Variants in ANKS1B observed in about 807,000 individuals in gnomAD.
The protein encoded by ANKS1B is ankyrin repeat and sterile alpha motif domain-containing protein 1B.
Under a neutral mutation model 148.3 loss-of-function variants are expected in ANKS1B, and 36 were observed. The observed-to-expected ratio is 0.24, with a 90% CI of 0.19 to 0.32. The LOEUF (loss-of-function observed/expected upper bound fraction) is 0.32, where lower values mean the gene tolerates loss of function less well. Ranked by LOEUF, ANKS1B falls within the 10% of genes least tolerant of loss-of-function variation. The probability of loss-of-function intolerance (pLI) is 1.00; values close to 1 mark genes in which losing one functional copy is unlikely to be tolerated. For synonymous variants in ANKS1B, 542 were observed against 560.8 expected (o/e 0.97, Z 0.47); for missense variants, 1,157 against 1,542.6 (o/e 0.75, Z 4.19).
At chr12:99,091,119 CA>C (rs1330140025) in intron 15 of ANKS1B, among the ~76,000 whole-genome samples, 1 of 152,064 alleles carries the variant, frequency 6.6e-6, no homozygotes, top group African/African-American at 2.4e-5. Context: ...ACTATTGATT[CA>C]AAAAATATTA....
chr12:99,364,287 T>C (rs2092650915), intron 12 of ANKS1B, among the ~76,000 whole-genome samples: 1 of 152,166 alleles, frequency 6.6e-6, no homozygotes, highest in Non-Finnish European at 1.5e-5. Flanking sequence ...ATTTGTTTAT[T>C]GTACATGTTT....
At chr12:99,030,913 C>T (rs952662746) in intron 17 of ANKS1B, among the ~76,000 whole-genome samples, 1 of 152,196 alleles carries the variant, frequency 6.6e-6, no homozygotes, top group Admixed American at 6.5e-5. Context: ...TAACTTCTGA[C>T]TTCTCTCTTT....
At chr12:99,614,335 T>C (rs1247116807) in intron 9 of ANKS1B, among the ~76,000 whole-genome samples, 1 of 151,872 alleles carries the variant, frequency 6.6e-6, no homozygotes, top group Non-Finnish European at 1.5e-5. Flanking sequence ...CTTAGGAGAC[T>C]GAGACATGAG....
At chr12:99,794,414 G>T (rs1157611211) in intron 4 of ANKS1B, among the ~76,000 whole-genome samples, 1 of 148,454 alleles carries the variant, frequency 6.7e-6, no homozygotes, top group Middle Eastern at 3.5e-3. Flanking sequence ...AGATTTGGAA[G>T]CAACCTAAGT....
chr12:99,676,337 A>G (rs1019473935), intron 8 of ANKS1B, among the ~76,000 whole-genome samples: 8 of 152,180 alleles, frequency 5.3e-5, no homozygotes, highest in African/African-American at 1.9e-4. Context: ...AATATATTAA[A>G]ACACATCTCT....
At chr12:98,874,731 TA>T (rs2099683454) in intron 17 of ANKS1B, among the ~76,000 whole-genome samples, 1 of 152,138 alleles carries the variant, frequency 6.6e-6, no homozygotes, top group African/African-American at 2.4e-5. Context: ...TTTAGAAAAG[TA>T]AATATATTTG....
chr12:99,568,173 T>C (rs2097417465), intron 9 of ANKS1B, among the ~76,000 whole-genome samples: 1 of 152,194 alleles, frequency 6.6e-6, no homozygotes. Flanking sequence ...CAGGGATGCA[T>C]TCCTTCTAGG....
intron 1 of ANKS1B, among the ~76,000 whole-genome samples, chr12:99,902,512 T>C (rs981692374): frequency 6.6e-6 from 1 of 152,116 alleles, no homozygotes; most frequent in Non-Finnish European, 1.5e-5. Context: ...TAAAATGTTA[T>C]TCCAGCTACT....
Position 98,769,835 on chromosome 12 carries a change from T to C in ANKS1B, c.3579+3207A>G, listed in dbSNP as rs150155002. Among the ~76,000 whole-genome samples, 896 of 152,374 alleles carry C rather than the reference T, an allele frequency of 5.9e-3. 6 individuals are homozygous for C. Among genetic ancestry groups the C allele is most frequent in the African/African-American group, 0.021 (856 of 41,600 alleles). Reference sequence around the variant, plus strand: ...AAAAGGTGGCGTTCATCCTGAAAAGTATCAGAATATTCATGTTGATGTTCA... The same window carrying C: ...AAAAGGTGGCGTTCATCCTGAAAAGCATCAGAATATTCATGTTGATGTTCA... On this transcript the variant is annotated intron_variant, in intron 25 of 26. Transcript: ENST00000683438.
At chr12:99,060,283 CAG>C (rs918265646) in intron 16 of ANKS1B, among the ~76,000 whole-genome samples, 3 of 151,820 alleles carry the variant, frequency 2.0e-5, no homozygotes, top group Non-Finnish European at 2.9e-5. Flanking sequence ...TACTTGGCCT[CAG>C]AGAGAGTATG....
At chr12:99,467,131 C>G (rs941507276) in intron 10 of ANKS1B, among the ~76,000 whole-genome samples, 2 of 152,156 alleles carry the variant, frequency 1.3e-5, no homozygotes, top group African/African-American at 2.4e-5. Context: ...AAGGCTGGTT[C>G]AATATACACA....
intron 11 of ANKS1B, among the ~76,000 whole-genome samples, chr12:99,426,132 GTC>G (rs2095250263): frequency 1.3e-5 from 2 of 152,084 alleles, no homozygotes; most frequent in African/African-American, 4.8e-5. Context: ...AAGAAAATGT[GTC>G]TCTCAGAGTT....
At chr12:99,103,688 C>T (rs758443681) in intron 15 of ANKS1B, among the ~76,000 whole-genome samples, 17 of 152,054 alleles carry the variant, frequency 1.1e-4, no homozygotes, top group Non-Finnish European at 2.4e-4. Context: ...TTATATCATT[C>T]CTCTATGAAA....
At chr12:99,440,305 T>C (rs764301149) in intron 11 of ANKS1B, among the ~76,000 whole-genome samples, 1 of 151,858 alleles carries the variant, frequency 6.6e-6, no homozygotes, top group Non-Finnish European at 1.5e-5. Context: ...AAAAACAAGA[T>C]GTTTCACGAG....
chr12:99,781,931 G>A, intron 5 of ANKS1B, 91 bp downstream of exon 5: 1 of 1,107,102 alleles, frequency 9.0e-7, no homozygotes, highest in Admixed American at 2.5e-5. Flanking sequence ...AGGGTGATTT[G>A]TGAAGAAAAC....
chr12:99,029,917 C>G (rs990858006), intron 17 of ANKS1B, among the ~76,000 whole-genome samples: 1 of 152,212 alleles, frequency 6.6e-6, no homozygotes, highest in Non-Finnish European at 1.5e-5. Context: ...CCTTACCAGA[C>G]TATAAGCAAA....
At chr12:99,552,929 G>T (rs2097236580) in intron 9 of ANKS1B, among the ~76,000 whole-genome samples, 1 of 152,238 alleles carries the variant, frequency 6.6e-6, no homozygotes, top group African/African-American at 2.4e-5. Flanking sequence ...TACATGTTCA[G>T]GACAGACACA....
intron 4 of ANKS1B, among the ~76,000 whole-genome samples, chr12:99,782,853 A>G (rs939608310): frequency 9.2e-5 from 14 of 152,156 alleles, no homozygotes; most frequent in African/African-American, 3.4e-4. Context: ...CAATAGGGTT[A>G]CCTCCTGATA....
In ANKS1B at chr12:99,704,284, C is replaced by A. The variant is rs539032082; in HGVS notation, c.1129-49074G>T. Among the ~76,000 whole-genome samples the A allele has an allele frequency of 2.2e-4, 34 of 152,090 alleles. 1 individual carries two copies. The highest frequency in any genetic ancestry group is 7.7e-4 in the African/African-American group (32 of 41,506). ...CTCCACAGGCAGATGGAGGCCTTTT[C>A]CCCCTGCATAGTTTCTGAGAATGCA... is the stretch of plus-strand genomic sequence containing the variant. On this transcript the variant is annotated intron_variant, in intron 8 of 26. Coordinates refer to ENST00000683438, the MANE Select transcript of ANKS1B (RefSeq NM_001352186.2).
Sources: allele counts gnomAD v4.1 joint callset (sites outside exome capture counted in the v4.1 genomes callset), GRCh38; gene constraint gnomAD v4.1.1; transcripts MANE v1.5; gene names NCBI Gene and HGNC (gene_info 2026-07-23, HGNC 2026-07-21).